Variants in EGR1 observed in about 807,000 individuals in gnomAD.
EGR1 encodes the protein early growth response protein 1.
A neutral mutation model predicts 30.2 loss-of-function variants in EGR1; 8 were observed. The observed-to-expected ratio is 0.26, with a 90% CI of 0.16 to 0.48. The LOEUF (loss-of-function observed/expected upper bound fraction) is 0.48, where lower values mean the gene tolerates loss of function less well. Ranked by LOEUF, EGR1 falls within the 20% of genes least tolerant of loss-of-function variation. The pLI is 0.99. For missense variants in EGR1, 568 were observed against 732.3 expected, an observed-to-expected ratio of 0.78 and a Z score of 2.59; for synonymous variants, 334 against 312.8, an observed-to-expected ratio of 1.07 and a Z score of -0.72.
rs1764178844 is a variant in EGR1 at position 138,467,807 on chromosome 5, C to T, written c.1358C>T (p.Pro453Leu). Residue 453 changes from proline to leucine, a missense_variant, in exon 2 of 2, where the codon CCG becomes CTG. Physicochemically the swap from Pro to Leu is moderately conservative, Grantham distance 98. Coordinates refer to ENST00000239938, the MANE Select transcript of EGR1 (RefSeq NM_001964.3). This position sits in a 1 kb window ranked among gnomAD's most constrained non-coding sequence, Gnocchi z 8.3. Reference protein sequence around the residue: ...PSPVATSYPSPVTTSYPSPAT... With the variant: ...PSPVATSYPSLVTTSYPSPAT... ...CCGGTTGCTACCTCTTACCCGTCCC[C>T]GGTTACTACCTCTTATCCATCCCCG... 1 of 1,613,018 alleles carries T rather than the reference C, an allele frequency of 6.2e-7. No homozygotes were observed. The highest frequency in any genetic ancestry group is 1.1e-5 in the South Asian group (1 of 91,058).
Position 138,467,589 on chromosome 5 carries a change from C to G in EGR1, c.1140C>G (p.Ser380Arg). ...TCTGCATGCGCAACTTCAGCCGCAG[C>G]GACCACCTCACCACCCACATCCGCA... The part of the protein sequence containing the change: ...CRICMRNFSR[S>R]DHLTTHIRTH... The change falls in exon 2 of 2, where the codon AGC becomes AGG. Residue 380 changes from serine to arginine, a missense_variant. This residue lies in a region of EGR1 where 17 missense variants were observed against 97.8 expected (regional missense o/e 0.17). Coordinates refer to ENST00000239938, the MANE Select transcript of EGR1 (RefSeq NM_001964.3). This position sits in a 1 kb window ranked among gnomAD's most constrained non-coding sequence, Gnocchi z 8.3. 1 of 1,613,870 alleles carries G rather than the reference C, an allele frequency of 6.2e-7. No homozygotes were observed. Among genetic ancestry groups the G allele is most frequent in the Non-Finnish European group, 8.5e-7 (1 of 1,180,032 alleles).
At position 138,465,689 on chromosome 5, in the gene EGR1, G is replaced by A; in HGVS notation, c.-73G>A. 6.9e-7 allele frequency: 1 copy of A among 1,441,554 alleles called. No homozygotes were observed. Among genetic ancestry groups the A allele is most frequent in the Non-Finnish European group, 9.2e-7 (1 of 1,089,992 alleles). The allele number at this position is 1,441,554 out of a possible 1,614,324, so 89.3% of individuals were successfully genotyped here. On this transcript the variant is annotated 5_prime_UTR_variant, in exon 1 of 2. It adds an upstream start codon to the 5' untranslated region. Coordinates refer to ENST00000239938, the MANE Select transcript of EGR1 (RefSeq NM_001964.3). The stretch of plus-strand genomic sequence containing the variant: ...GTAACCCGGCCAGGCCCCCGCAACT[G>A]TGTCCCCTGCAGCTCCAGCCCCGGG...
Position 138,468,628 on chromosome 5 carries a change from T to C in EGR1, c.*547T>C, listed in dbSNP as rs1467550970. On this transcript the variant is annotated 3_prime_UTR_variant, in exon 2 of 2. Transcript: ENST00000239938. ...GCCAAGCAAACCAATGGTGATCCTC[T>C]ATTTTGTGATGATGCTGTGACAATA... The C allele has an allele frequency of 6.0e-6, 1 of 166,976 alleles. No individual in the cohort carries two copies. The highest frequency in any genetic ancestry group is 1.3e-5 in the Non-Finnish European group (1 of 76,684). The allele number at this position is 166,976 out of a possible 1,614,324, so 10.3% of individuals were successfully genotyped here. A position where few individuals can be genotyped will look rare whatever the true frequency, so the allele number is the denominator to read the frequency against.
In EGR1 at chr5:138,467,406, C is replaced by T; in HGVS notation, c.957C>T (p.Ser319=). 4.3e-6 allele frequency: 7 copies of T among 1,614,260 alleles called. No individual in the cohort carries two copies. The highest frequency in any genetic ancestry group is 5.9e-6 in the Non-Finnish European group (7 of 1,180,056). ...ACCAGTCCCAGCTCATCAAACCCAG[C>T]CGCATGCGCAAGTACCCCAACCGGC... ...TSYQSQLIKP[S]RMRKYPNRPS... The change falls in exon 2 of 2, where the codon AGC becomes AGT. Residue 319 remains serine, a synonymous_variant. Transcript: ENST00000239938. The surrounding 1 kb of genome is among the most constrained non-coding windows in gnomAD (Gnocchi z 8.3).
chr5:138,466,520 C>T (rs991569231), intron 1 of EGR1, among the ~76,000 whole-genome samples: 1 of 152,252 alleles, frequency 6.6e-6, no homozygotes, highest in Non-Finnish European at 1.5e-5. Flanking sequence ...GCCGCCGCTG[C>T]GGAGCGCTGC....
At position 138,467,071 on chromosome 5, in the gene EGR1, A is replaced by C. The variant is rs780048789; in HGVS notation, c.622A>C (p.Thr208Pro). 1 of 1,613,612 alleles carries C rather than the reference A, an allele frequency of 6.2e-7. No individual in the cohort carries two copies. Among genetic ancestry groups the C allele is most frequent in the South Asian group, 1.1e-5 (1 of 91,044 alleles). ...DSSPIYSAAP[T>P]FPTPNTDIFP... Reference sequence around the variant, plus strand: ...CAGTCCCATTTACTCAGCGGCACCCACCTTCCCCACGCCGAACACTGACAT... The same window carrying C: ...CAGTCCCATTTACTCAGCGGCACCCCCCTTCCCCACGCCGAACACTGACAT... The change falls in exon 2 of 2, where the codon ACC becomes CCC. Residue 208 changes from threonine to proline, a missense_variant. Physicochemically the swap from Thr to Pro is conservative, Grantham distance 38. Coordinates refer to ENST00000239938, the MANE Select transcript of EGR1 (RefSeq NM_001964.3). The surrounding 1 kb of genome is among the most constrained non-coding windows in gnomAD (Gnocchi z 8.3).
rs1346041122 is a variant in EGR1 at position 138,465,507 on chromosome 5, AGCCGCCGCCGCCATCCGCC to A, written c.-249_-231del. On this transcript the variant is annotated 5_prime_UTR_variant, in exon 1 of 2. Transcript: ENST00000239938. ...AGATCCCAGCGCGCAGAACTTGGGG[AGCCGCCGCCGCCATCCGCC>A]GCCGCAGCCAGCTTCCGCCGCCGCA... 2 of 241,818 alleles carry A rather than the reference AGCCGCCGCCGCCATCCGCC, an allele frequency of 8.3e-6. No individual in the cohort carries two copies. The highest frequency in any genetic ancestry group is 4.6e-5 in the African/African-American group (2 of 43,734). 15.0% of individuals were successfully genotyped at this position (241,818 alleles called of 1,614,324 possible).
intron 1 of EGR1, 138 bp from the exon 2 acceptor site, chr5:138,466,619 T>C: frequency 1.0e-6 from 1 of 962,824 alleles, no homozygotes; most frequent in Non-Finnish European, 1.6e-6. Context: ...AACATTGCAA[T>C]GTGCTGCTAT....
At chr5:138,466,736 C>T (rs1271925628) in intron 1 of EGR1, 21 bp from the exon 2 acceptor site, 6 of 1,593,784 alleles carry the variant, frequency 3.8e-6, no homozygotes, top group East Asian at 2.2e-5. Context: ...CCAGGCCTCC[C>T]GCTTCTCTCT....
intron 1 of EGR1, 72 bp from the exon 2 acceptor site, chr5:138,466,685 G>T: frequency 1.3e-6 from 2 of 1,528,392 alleles, no homozygotes; most frequent in Non-Finnish European, 1.8e-6. Flanking sequence ...TTGCCTGGCA[G>T]CTCGGGTCGT....
Position 138,467,758 on chromosome 5 carries a change from T to C in EGR1, c.1309T>C (p.Ser437Pro), listed in dbSNP as rs201394271. The change falls in exon 2 of 2, where the codon TCC (serine) becomes CCC (proline). Residue 437 changes from serine (S) to proline (P), a missense_variant. Physicochemically the swap from Ser to Pro is moderately conservative, Grantham distance 74. Around this residue, in one of 4 missense-constraint regions of EGR1, gnomAD observed 118 missense variants for 161.6 expected, o/e 0.73. Transcript: ENST00000239938. The surrounding 1 kb of genome is among the most constrained non-coding windows in gnomAD (Gnocchi z 8.3). Reference protein sequence around the residue: ...DKSVVASSATSSLSSYPSPVA... With the variant: ...DKSVVASSATPSLSSYPSPVA... ...AAGTGTTGTGGCCTCTTCGGCCACC[T>C]CCTCTCTCTCTTCCTACCCGTCCCC... The C allele has an allele frequency of 2.6e-5, 42 of 1,613,840 alleles. No individual in the cohort carries two copies. The highest frequency in any genetic ancestry group is 3.5e-5 in the Non-Finnish European group (41 of 1,179,944).
chr5:138,465,555 C>T lies in EGR1; in HGVS notation c.-207C>T. 2.7e-6 allele frequency: 1 copy of T among 375,188 alleles called. No homozygotes were observed. The highest frequency in any genetic ancestry group is 4.5e-6 in the Non-Finnish European group (1 of 222,760). The allele number at this position is 375,188 out of a possible 1,614,324, so 23.2% of individuals were successfully genotyped here. On this transcript the variant is annotated 5_prime_UTR_variant, in exon 1 of 2. Transcript: ENST00000239938. ...GCAGCCAGCTTCCGCCGCCGCAGGACCGGCCCCTGCCCCAGCCTCCGCAGC... is the reference window on the plus strand; with the variant it reads ...GCAGCCAGCTTCCGCCGCCGCAGGATCGGCCCCTGCCCCAGCCTCCGCAGC...
In EGR1 at chr5:138,465,907, T is replaced by G; in HGVS notation, c.146T>G (p.Leu49Arg). ...CTGAGCAACGGGGCTCCCCAGTTCC[T>G]CGGCGCCGCCGGGGCCCCAGAGGGC... ...MLLSNGAPQF[L>R]GAAGAPEGSG... Residue 49 changes from leucine to arginine, a missense_variant, in exon 1 of 2, where the codon CTC becomes CGC. Coordinates refer to ENST00000239938, the MANE Select transcript of EGR1 (RefSeq NM_001964.3). 6.2e-7 allele frequency: 1 copy of G among 1,613,752 alleles called. No individual in the cohort carries two copies. Among genetic ancestry groups the G allele is most frequent in the Non-Finnish European group, 8.5e-7 (1 of 1,179,832 alleles).
At position 138,466,982 on chromosome 5, in the gene EGR1, C is replaced by T. The variant is rs202015917; in HGVS notation, c.533C>T (p.Ala178Val). Residue 178 changes from alanine to valine, a missense_variant, in exon 2 of 2, where the codon GCG becomes GTG. Around this residue, in one of 4 missense-constraint regions of EGR1, gnomAD observed 415 missense variants for 445.2 expected, o/e 0.93. Transcript: ENST00000239938. ...TCCTCGTCCTCAGCACCATCTCCAGCGGCCTCCTCCGCCTCCGCCTCCCAG... is the reference window on the plus strand; with the variant it reads ...TCCTCGTCCTCAGCACCATCTCCAGTGGCCTCCTCCGCCTCCGCCTCCCAG... ...PASSSSAPSP[A>V]ASSASASQSP... 8.7e-6 allele frequency: 14 copies of T among 1,613,906 alleles called. No individual in the cohort carries two copies. The highest frequency in any genetic ancestry group is 1.2e-5 in the Non-Finnish European group (14 of 1,179,990).
Position 138,466,777 on chromosome 5 carries a change from C to A in EGR1, c.328C>A (p.Leu110Met). ...LTAESFPDIS[L>M]NNEKVLVETS... ...GCCAGAGTCTTTTCCTGACATCTCT[C>A]TGAACAACGAGAAGGTGCTGGTGGA... The change falls in exon 2 of 2, where the codon CTG (leucine) becomes ATG (methionine). Residue 110 changes from leucine to methionine, a missense_variant. Around this residue, in one of 4 missense-constraint regions of EGR1, gnomAD observed 415 missense variants for 445.2 expected, o/e 0.93. Transcript: ENST00000239938. 6.2e-7 allele frequency: 1 copy of A among 1,613,086 alleles called. No individual in the cohort carries two copies. Among genetic ancestry groups the A allele is most frequent in the Non-Finnish European group, 8.5e-7 (1 of 1,179,184 alleles).
Position 138,465,703 on chromosome 5 carries a change from T to C in EGR1, c.-59T>C. ...CCCCCGCAACTGTGTCCCCTGCAGCTCCAGCCCCGGGCTGCACCCCCCCGC... is the reference window on the plus strand; with the variant it reads ...CCCCCGCAACTGTGTCCCCTGCAGCCCCAGCCCCGGGCTGCACCCCCCCGC... On this transcript the variant is annotated 5_prime_UTR_variant, in exon 1 of 2. Transcript: ENST00000239938. 7.2e-7 allele frequency: 1 copy of C among 1,387,056 alleles called. No homozygotes were observed. The highest frequency in any genetic ancestry group is 9.7e-7 in the Non-Finnish European group (1 of 1,029,946). The allele number at this position is 1,387,056 out of a possible 1,614,324, so 85.9% of individuals were successfully genotyped here.
At position 138,468,498 on chromosome 5, in the gene EGR1, T is replaced by C; in HGVS notation, c.*417T>C. On this transcript the variant is annotated 3_prime_UTR_variant, in exon 2 of 2. Transcript: ENST00000239938. ...GCACCCTTGTACAGTGTCTGTGCCATGGATTTCGTTTTTCTTGGGGTACTC... is the reference window on the plus strand; with the variant it reads ...GCACCCTTGTACAGTGTCTGTGCCACGGATTTCGTTTTTCTTGGGGTACTC... The C allele has an allele frequency of 4.4e-6, 1 of 229,090 alleles. No homozygotes were observed. The highest frequency in any genetic ancestry group is 9.1e-6 in the Non-Finnish European group (1 of 109,454). The allele number at this position is 229,090 out of a possible 1,614,324, so 14.2% of individuals were successfully genotyped here.
chr5:138,466,663 CG>C (rs1215213998), intron 1 of EGR1, 93 bp from the exon 2 acceptor site: 3 of 1,433,370 alleles, frequency 2.1e-6, no homozygotes, highest in Non-Finnish European at 2.9e-6. Context: ...CAATGGTAGC[CG>C]GCCCGGTCTC....
At position 138,466,783 on chromosome 5, in the gene EGR1, A is replaced by C. The variant is rs779279352; in HGVS notation, c.334A>C (p.Asn112His). The change falls in exon 2 of 2, where the codon AAC becomes CAC. Residue 112 changes from asparagine to histidine, a missense_variant. Asn to His is a moderately conservative substitution (Grantham distance 68). This residue lies in a region of EGR1 where 415 missense variants were observed against 445.2 expected (regional missense o/e 0.93). Transcript: ENST00000239938. The part of the protein sequence containing the change: ...AESFPDISLN[N>H]EKVLVETSYP... The stretch of plus-strand genomic sequence containing the variant: ...GTCTTTTCCTGACATCTCTCTGAAC[A>C]ACGAGAAGGTGCTGGTGGAGACCAG... 2 of 1,613,358 alleles carry C rather than the reference A, an allele frequency of 1.2e-6. No individual in the cohort carries two copies. Among genetic ancestry groups the C allele is most frequent in the South Asian group, 2.2e-5 (2 of 91,056 alleles).
Sources: allele counts gnomAD v4.1 joint callset (sites outside exome capture counted in the v4.1 genomes callset), GRCh38; gene constraint gnomAD v4.1.1; regional missense constraint gnomAD v4.1.1; non-coding constraint Gnocchi (gnomAD v3.1); transcripts MANE v1.5; gene names NCBI Gene and HGNC (gene_info 2026-07-23, HGNC 2026-07-21).